Variants in BMERB1 observed in about 807,000 individuals in gnomAD.
BMERB1 encodes bMERB domain-containing protein 1.
A neutral mutation model predicts 23.6 loss-of-function variants in BMERB1; 12 were observed. The ratio of observed to expected loss-of-function variants is 0.51; its 90% CI spans 0.33 to 0.82. The LOEUF (loss-of-function observed/expected upper bound fraction) is 0.82. BMERB1 is among the 40% of genes least tolerant of loss of function. The pLI is 0.03. For synonymous variants in BMERB1, 122 were observed against 96.6 expected (o/e 1.26, Z -1.54); for missense variants, 247 against 255.4 (o/e 0.97, Z 0.22).
chr16:15,576,448 G>T (rs544712585), intron 3 of BMERB1, among the ~76,000 whole-genome samples: 7 of 152,220 alleles, frequency 4.6e-5, no homozygotes, highest in African/African-American at 1.7e-4. Context: ...ATTCTCCAAG[G>T]ATTAGTCTGG....
At chr16:15,472,675 G>A (rs2051240053) in intron 1 of BMERB1, among the ~76,000 whole-genome samples, 2 of 141,948 alleles carry the variant, frequency 1.4e-5, no homozygotes, top group African/African-American at 4.9e-5. Flanking sequence ...GCTGGATAAT[G>A]TTTTCATGTT....
intron 4 of BMERB1, among the ~76,000 whole-genome samples, chr16:15,582,738 C>G (rs1050328778): frequency 1.2e-4 from 19 of 152,236 alleles, no homozygotes; most frequent in African/African-American, 3.9e-4. Context: ...TTCAGCAAGT[C>G]TGCACCCACC....
chr16:15,529,829 T>C (rs1349802252), intron 2 of BMERB1, among the ~76,000 whole-genome samples: 6 of 152,096 alleles, frequency 3.9e-5, no homozygotes, highest in Non-Finnish European at 7.4e-5. Flanking sequence ...AGGAACAGAG[T>C]GATAATGCAG....
rs755387872 is a variant in BMERB1, at chr16:15,567,987, G to A, written c.235G>A (p.Asp79Asn). ...RRESELRFMM[D>N]DIQLCKDIMD... Reference sequence around the variant, plus strand: ...GATGGTGTCCTGTTTCCCCAGGATGGATGACATCCAGCTCTGCAAGGACAT... The same window carrying A: ...GATGGTGTCCTGTTTCCCCAGGATGAATGACATCCAGCTCTGCAAGGACAT... Residue 79 changes from aspartate (D) to asparagine (N), a missense_variant, in exon 3 of 6, where the codon GAT (aspartate) becomes AAT (asparagine). Coordinates refer to ENST00000300006, the MANE Select transcript of BMERB1 (RefSeq NM_033201.3). 3 of 1,613,030 alleles carry A rather than the reference G, an allele frequency of 1.9e-6. No individual in the cohort carries two copies. Among genetic ancestry groups the A allele is most frequent in the Non-Finnish European group, 2.5e-6 (3 of 1,179,150 alleles).
intron 2 of BMERB1, among the ~76,000 whole-genome samples, chr16:15,526,387 C>CG (rs1567484881): frequency 2.6e-5 from 4 of 152,032 alleles, no homozygotes; most frequent in Admixed American, 1.3e-4. Context: ...AAATATAGGC[C>CG]GGGCGTGGTG....
chr16:15,453,174 A>AAAC (rs1009783470), intron 1 of BMERB1, among the ~76,000 whole-genome samples: 1 of 152,166 alleles, frequency 6.6e-6, no homozygotes, highest in African/African-American at 2.4e-5. Context: ...TCTGTCTCAA[A>AAAC]AACAACAACA....
intron 3 of BMERB1, among the ~76,000 whole-genome samples, chr16:15,576,891 AGCTCTCTC>A (rs1420053643): frequency 1.3e-5 from 2 of 152,142 alleles, no homozygotes; most frequent in African/African-American, 4.8e-5. Context: ...AAAAGGGAAC[AGCTCTCTC>A]GGTCTCTCTC....
At chr16:15,451,733 A>ATTTTTTT (rs71152429) in intron 1 of BMERB1, among the ~76,000 whole-genome samples, 2 of 77,408 alleles carry the variant, frequency 2.6e-5, no homozygotes, top group African/African-American at 1.2e-4. Flanking sequence ...TAGCTAACTA[A>ATTTTTTT]TTTTTTTTTT....
chr16:15,434,882 C>T (rs2050874132), intron 1 of BMERB1, 123 bp downstream of exon 1: 1 of 795,164 alleles, frequency 1.3e-6, no homozygotes, highest in South Asian at 1.8e-5. Context: ...CGCAGCGGGG[C>T]TGGCAGCTCA....
At chr16:15,557,832 G>T (rs575059802) in intron 2 of BMERB1, among the ~76,000 whole-genome samples, 1 of 152,264 alleles carries the variant, frequency 6.6e-6, no homozygotes, top group Admixed American at 6.5e-5. Flanking sequence ...GGATCACGAG[G>T]TAAGGAGTTC....
intron 2 of BMERB1, among the ~76,000 whole-genome samples, chr16:15,517,087 A>G (rs1434389367): frequency 6.6e-6 from 1 of 152,236 alleles, no homozygotes; most frequent in East Asian, 1.9e-4. Context: ...CTTTTCACAG[A>G]CATCTCTGAG....
chr16:15,572,761 C>T (rs781671416), intron 3 of BMERB1, among the ~76,000 whole-genome samples: 1 of 152,176 alleles, frequency 6.6e-6, no homozygotes, highest in Non-Finnish European at 1.5e-5. Flanking sequence ...ACCCAAATCT[C>T]ATCTTGAATT....
chr16:15,539,990 G>A (rs928537354), intron 2 of BMERB1, among the ~76,000 whole-genome samples: 2 of 152,008 alleles, frequency 1.3e-5, no homozygotes, highest in Admixed American at 1.3e-4. Flanking sequence ...ACGAAACTCC[G>A]TCTTTACAAA....
chr16:15,483,289 T>A (rs527296255), intron 1 of BMERB1, among the ~76,000 whole-genome samples: 2 of 152,328 alleles, frequency 1.3e-5, no homozygotes, highest in African/African-American at 4.8e-5. Flanking sequence ...AATGATACAT[T>A]CTTCTAAAGA....
intron 1 of BMERB1, among the ~76,000 whole-genome samples, chr16:15,508,151 T>A (rs1034611756): frequency 7.9e-5 from 12 of 152,192 alleles, no homozygotes; most frequent in Non-Finnish European, 4.4e-5. Flanking sequence ...ATAACAGCAC[T>A]GACCACCCAG....
chr16:15,470,701 A>G (rs1030369463), intron 1 of BMERB1, among the ~76,000 whole-genome samples: 4 of 149,748 alleles, frequency 2.7e-5, no homozygotes, highest in Non-Finnish European at 5.9e-5. Context: ...AATTTTTTGT[A>G]TTTTAGTAGA....
At position 15,587,416 on chromosome 16, in the gene BMERB1, G is replaced by T; in HGVS notation, c.*587G>T. On this transcript the variant is annotated 3_prime_UTR_variant, in exon 6 of 6. Transcript: ENST00000300006. ...TGTAAAGATCGAGCTTGTGTGTGGT[G>T]TCGTGGTCACATCTCCCGCTTCCCC... 1 of 306,620 alleles carries T rather than the reference G, an allele frequency of 3.3e-6. No homozygotes were observed. 19.0% of individuals were successfully genotyped at this position (306,620 alleles called of 1,614,324 possible). A position where few individuals can be genotyped will look rare whatever the true frequency, so the allele number is the denominator to read the frequency against.
rs574021396 is a variant in BMERB1, at chr16:15,532,669, C to G, written c.230+17241C>G. 1.3e-4 allele frequency among the ~76,000 whole-genome samples: 20 copies of G among 151,882 alleles called. 1 individual carries two copies. In the East Asian group the frequency reaches 3.7e-3, roughly 28 times the overall value. ...CACGCCATTCGCCTGCCTCAGCCTC[C>G]CAAGTAGCTGGGACTATAGGCACCT... is the stretch of plus-strand genomic sequence containing the variant. On this transcript the variant is annotated intron_variant, in intron 2 of 5. Coordinates refer to ENST00000300006, the MANE Select transcript of BMERB1 (RefSeq NM_033201.3).
chr16:15,461,202 A>C (rs542799744), intron 1 of BMERB1, among the ~76,000 whole-genome samples: 1 of 151,864 alleles, frequency 6.6e-6, no homozygotes, highest in Non-Finnish European at 1.5e-5. Flanking sequence ...GAGAAGCACA[A>C]TTCAAGGGGA....
Sources: allele counts gnomAD v4.1 joint callset (sites outside exome capture counted in the v4.1 genomes callset), GRCh38; gene constraint gnomAD v4.1.1; transcripts MANE v1.5; gene names NCBI Gene and HGNC (gene_info 2026-07-23, HGNC 2026-07-21).